Variants in LARGE1 observed in about 807,000 individuals in gnomAD.
The protein encoded by LARGE1 is LARGE xylosyl- and glucuronyltransferase 1, also known as xylosyl- and glucuronyltransferase LARGE1.
LARGE1 carries 43 observed loss-of-function variants against 87.6 expected under a neutral mutation model. The ratio of observed to expected loss-of-function variants is 0.49; its 90% CI spans 0.38 to 0.63. LARGE1 has a LOEUF of 0.63. LARGE1 is among the 30% of genes least tolerant of loss of function. The pLI is 0.00. For missense variants in LARGE1, 802 were observed against 1,000.2 expected, an observed-to-expected ratio of 0.80 and a Z score of 2.67; for synonymous variants, 434 against 394.6, an observed-to-expected ratio of 1.10 and a Z score of -1.18.
In LARGE1 at chr22:33,498,493, G is replaced by A. The variant is rs552095066; in HGVS notation, c.788-66228C>T. ...CTGCTATTGTTAAAATCACCACTGC[G>A]GCAGCCGAATGTCTTGGAACTGCAC... On this transcript the variant is annotated intron_variant, in intron 6 of 14. Transcript: ENST00000397394. Among the ~76,000 whole-genome samples, 4 of 152,042 alleles carry A rather than the reference G, an allele frequency of 2.6e-5. No individual in the cohort carries two copies. The East Asian group carries it at 5.8e-4, about 22-fold the overall frequency.
At chr22:33,811,013 T>C (rs1487270800) in intron 1 of LARGE1, among the ~76,000 whole-genome samples, 2 of 152,168 alleles carry the variant, frequency 1.3e-5, no homozygotes, top group Non-Finnish European at 2.9e-5. Flanking sequence ...GCGAGATTTG[T>C]TACTGCAGCA....
chr22:33,822,532 C>T (rs1038370739), intron 1 of LARGE1, among the ~76,000 whole-genome samples: 2 of 152,082 alleles, frequency 1.3e-5, no homozygotes, highest in African/African-American at 4.8e-5. Context: ...AGCCCCATCT[C>T]TACTAAAAAT....
At chr22:33,668,295 G>T (rs540865775) in intron 2 of LARGE1, among the ~76,000 whole-genome samples, 1 of 152,344 alleles carries the variant, frequency 6.6e-6, no homozygotes, top group South Asian at 2.1e-4. Flanking sequence ...TCAGTGGGCA[G>T]TGAACACTCC....
chr22:33,222,805 GT>G (rs1040086056), intron 11 of LARGE1, among the ~76,000 whole-genome samples: 1 of 152,134 alleles, frequency 6.6e-6, no homozygotes, highest in Non-Finnish European at 1.5e-5. Flanking sequence ...TTGGCACCTG[GT>G]TTTTTGGCAA....
chr22:33,365,164 T>C (rs1280614149), intron 9 of LARGE1, among the ~76,000 whole-genome samples: 2 of 152,198 alleles, frequency 1.3e-5, no homozygotes, highest in African/African-American at 4.8e-5. Flanking sequence ...GCACTACTTC[T>C]ATCTGTTGTA....
intron 4 of LARGE1, among the ~76,000 whole-genome samples, chr22:33,606,223 G>A (rs1305640446): frequency 6.6e-6 from 1 of 152,084 alleles, no homozygotes; most frequent in Non-Finnish European, 1.5e-5. Context: ...GGGTAACACA[G>A]TGAAACCCCA....
chr22:33,648,006 C>T (rs968584016), intron 3 of LARGE1, among the ~76,000 whole-genome samples: 1 of 152,192 alleles, frequency 6.6e-6, no homozygotes, highest in Non-Finnish European at 1.5e-5. Flanking sequence ...ATCCACCCAC[C>T]TCGGACTCCC....
chr22:33,611,798 G>A (rs1024085007), intron 4 of LARGE1, among the ~76,000 whole-genome samples: 1 of 152,218 alleles, frequency 6.6e-6, no homozygotes, highest in Non-Finnish European at 1.5e-5. Flanking sequence ...AGCGTTGAAG[G>A]TGGAGCCTGG....
intron 2 of LARGE1, among the ~76,000 whole-genome samples, chr22:33,661,834 G>C (rs2081132051): frequency 6.6e-6 from 1 of 152,072 alleles, no homozygotes; most frequent in African/African-American, 2.4e-5. Flanking sequence ...ATGGTGTTCT[G>C]CTGTCCTCGG....
Position 33,812,424 on chromosome 22 carries a change from A to T in LARGE1, c.-82-50866T>A, listed in dbSNP as rs75050692. On this transcript the variant is annotated intron_variant, in intron 1 of 14. Transcript: ENST00000397394. Reference sequence around the variant, plus strand: ...CGTTACTTCCCCCAGACACATGCACAAGTGATGACTCTCTCTTTGCATACT... The same window carrying T: ...CGTTACTTCCCCCAGACACATGCACTAGTGATGACTCTCTCTTTGCATACT... 4.9e-3 allele frequency among the ~76,000 whole-genome samples: 753 copies of T among 152,294 alleles called. 6 individuals carry two copies. Among genetic ancestry groups the T allele is most frequent in the African/African-American group, 0.017 (696 of 41,558 alleles).
intron 11 of LARGE1, among the ~76,000 whole-genome samples, chr22:33,252,251 T>TTTCCC (rs1927041347): frequency 9.0e-6 from 1 of 111,522 alleles, no homozygotes; most frequent in Non-Finnish European, 1.8e-5. Context: ...ATTCCTTCAT[T>TTTCCC]CCCCCCCCCC....
chr22:33,596,506 T>C (rs956528153), intron 5 of LARGE1, among the ~76,000 whole-genome samples: 3 of 152,078 alleles, frequency 2.0e-5, no homozygotes, highest in African/African-American at 7.2e-5. Context: ...AATGGGAAAG[T>C]GGTAATTTTT....
intron 12 of LARGE1, among the ~76,000 whole-genome samples, chr22:33,292,671 G>A (rs937050290): frequency 6.6e-6 from 1 of 152,188 alleles, no homozygotes; most frequent in Non-Finnish European, 1.5e-5. Context: ...CACAGAGTCT[G>A]ATATTTCAAG....
chr22:33,879,941 TTC>T (rs757908836), intron 1 of LARGE1, among the ~76,000 whole-genome samples: 2 of 152,202 alleles, frequency 1.3e-5, no homozygotes, highest in Non-Finnish European at 2.9e-5. Flanking sequence ...CTGTTTTTTG[TTC>T]TGAGTACCTT....
intron 6 of LARGE1, among the ~76,000 whole-genome samples, chr22:33,442,117 G>A (rs576908512): frequency 2.0e-5 from 3 of 152,278 alleles, no homozygotes; most frequent in South Asian, 4.1e-4. Flanking sequence ...GAAGAAAGAC[G>A]TTGCTTATTA....
At chr22:33,484,862 C>T (rs1442299071) in intron 6 of LARGE1, among the ~76,000 whole-genome samples, 2 of 151,104 alleles carry the variant, frequency 1.3e-5, no homozygotes, top group Non-Finnish European at 2.9e-5. Context: ...ACTATTGTCA[C>T]TTATTGTCCT....
In LARGE1 at chr22:33,516,557, T is replaced by C. The variant is rs529903574; in HGVS notation, c.787+48291A>G. ...GACCACTGAGGACAGACCAAGATGATGGGGTGGAAGCCTCCCCAACTTCCT... is the reference window on the plus strand; with the variant it reads ...GACCACTGAGGACAGACCAAGATGACGGGGTGGAAGCCTCCCCAACTTCCT... On this transcript the variant is annotated intron_variant, in intron 6 of 14. Coordinates refer to ENST00000397394, the MANE Select transcript of LARGE1 (RefSeq NM_133642.5). Among the ~76,000 whole-genome samples, 3 of 152,224 alleles carry C rather than the reference T, an allele frequency of 2.0e-5. No individual in the cohort carries two copies. The East Asian group carries it at 5.8e-4, about 29-fold the overall frequency.
chr22:33,914,605 A>T (rs2065729715), intron 1 of LARGE1, among the ~76,000 whole-genome samples: 1 of 152,194 alleles, frequency 6.6e-6, no homozygotes, highest in Admixed American at 6.5e-5. Flanking sequence ...GCTATGACCA[A>T]TCACAAAGAC....
chr22:33,863,353 C>G (rs1387258070), intron 1 of LARGE1, among the ~76,000 whole-genome samples: 1 of 152,200 alleles, frequency 6.6e-6, no homozygotes, highest in Non-Finnish European at 1.5e-5. Context: ...GCCGTCTCGG[C>G]TTGCCCAACA....
Sources: allele counts gnomAD v4.1 joint callset (sites outside exome capture counted in the v4.1 genomes callset), GRCh38; gene constraint gnomAD v4.1.1; transcripts MANE v1.5; gene names NCBI Gene and HGNC (gene_info 2026-07-23, HGNC 2026-07-21).